The following C11orf65 variants were observed in gnomAD, a reference collection of about 807,000 sequenced individuals.
The protein encoded by C11orf65 is protein MFI.
C11orf65 carries 38 observed loss-of-function variants against 35.3 expected under a neutral mutation model. The ratio of observed to expected loss-of-function variants is 1.08; its 90% confidence interval spans 0.83 to 1.41. The LOEUF is 1.41. Among genes scored for constraint, C11orf65 ranks in the 40% most tolerant of loss-of-function variants. C11orf65 has a pLI of 0.00. For missense variants in C11orf65, 370 were observed against 367.1 expected (o/e 1.01, Z -0.06); for synonymous variants, 105 against 114.4 (o/e 0.92, Z 0.53).
intron 6 of C11orf65, among the ~76,000 whole-genome samples, chr11:108,403,338 A>C (rs1386186886): frequency 4.7e-5 from 7 of 147,406 alleles, no homozygotes; most frequent in Non-Finnish European, 8.9e-5. Context: ...CTAATTTGCT[A>C]GGTATGTATC....
At chr11:108,407,295 T>A in intron 3 of C11orf65, 146 bp from the exon 4 acceptor site, 1 of 663,972 alleles carries the variant, frequency 1.5e-6, no homozygotes, top group Non-Finnish European at 2.3e-6. Context: ...AAATAATCAA[T>A]TTTAAATTAG....
chr11:108,316,778 T>C (rs1163531457), intron 6 of C11orf65, among the ~76,000 whole-genome samples: 4 of 137,000 alleles, frequency 2.9e-5, no homozygotes, highest in Admixed American at 1.4e-4. Flanking sequence ...AAAAAAAAAT[T>C]AGCCGGGTGT....
At chr11:108,405,397 G>A (rs190407647) in intron 6 of C11orf65, 32 bp downstream of exon 6, 18 of 1,603,062 alleles carry the variant, frequency 1.1e-5, no homozygotes, top group Middle Eastern at 1.7e-4. Flanking sequence ...AAAATACTAC[G>A]TATTTCCTTA....
intron 2 of C11orf65, among the ~76,000 whole-genome samples, chr11:108,356,726 G>C (rs1033010493): frequency 6.6e-6 from 1 of 152,082 alleles, no homozygotes; most frequent in African/African-American, 2.4e-5. Flanking sequence ...AGTTCTTTTA[G>C]GGCCTCAGAA....
chr11:108,364,958 T>C, intron 2 of C11orf65: 1 of 1,067,770 alleles, frequency 9.4e-7, no homozygotes, highest in Non-Finnish European at 1.4e-6. Flanking sequence ...GTGCATGATG[T>C]TTGTTCCCCT....
downstream of C11orf65, among the ~76,000 whole-genome samples, chr11:108,380,690 T>A (rs1186862727): frequency 6.6e-6 from 1 of 152,228 alleles, no homozygotes; most frequent in Admixed American, 6.5e-5. Flanking sequence ...CTTCCACTGC[T>A]GAATGACACT....
intron 2 of C11orf65, chr11:108,368,211 GA>G (rs1484003806): frequency 5.2e-6 from 1 of 194,020 alleles, no homozygotes; most frequent in Non-Finnish European, 1.1e-5. Flanking sequence ...GATTATAAAA[GA>G]TTTTTTTTTT....
chr11:108,318,295 G>A (rs1026907077), intron 6 of C11orf65, among the ~76,000 whole-genome samples: 5 of 151,900 alleles, frequency 3.3e-5, no homozygotes, highest in African/African-American at 1.2e-4. Flanking sequence ...ACGGGAGACG[G>A]AGGTTGCAGT....
In C11orf65 at chr11:108,325,328, ACT is replaced by A. The variant is rs747057367; in HGVS notation, c.641-16259_641-16258del. 6.2e-7 allele frequency: 1 copy of A among 1,608,946 alleles called. No homozygotes were observed. ...CATTCAGATCAGTCACACATAGACA[ACT>A]CTCTGAAGTATATATTAAGTGGCAG... On this transcript the variant is annotated intron_variant, in intron 6 of 6. Transcript: ENST00000525729.
chr11:108,449,733 C>CT lies in C11orf65; in HGVS notation c.81+11745dup, dbSNP rs943907094. 7.2e-5 allele frequency among the ~76,000 whole-genome samples: 11 copies of CT among 151,984 alleles called. 1 individual carries two copies. The highest frequency in any genetic ancestry group is 6.5e-4 in the Admixed American group (10 of 15,270). ...TTCAGGACATAGGCATAGGCAAGGA[C>CT]TTCATGTCTGAAACACCAAAAGCAA... On this transcript the variant is annotated intron_variant, in intron 2 of 8. Coordinates refer to ENST00000393084, the MANE Select transcript of C11orf65 (RefSeq NM_152587.5).
chr11:108,428,617 C>T (rs139844818), intron 3 of C11orf65, among the ~76,000 whole-genome samples: 3,175 of 152,162 alleles, frequency 0.021, 122 homozygotes, highest in African/African-American at 0.071. Flanking sequence ...ACAATGAGAA[C>T]ACATGGACAC....
chr11:108,463,726 T>C (rs905939677), intron 1 of C11orf65, among the ~76,000 whole-genome samples: 2 of 152,172 alleles, frequency 1.3e-5, no homozygotes, highest in Middle Eastern at 3.2e-3. Flanking sequence ...TTTAGTATAG[T>C]TTCTGACCCA....
At chr11:108,335,705 G>A (rs1202644025) in intron 2 of C11orf65, 1 of 680,234 alleles carries the variant, frequency 1.5e-6, no homozygotes, top group South Asian at 1.6e-5. Flanking sequence ...ATGGCAGTAG[G>A]TATTTAATTA....
In C11orf65 at chr11:108,464,771, G is replaced by T. The variant is rs561194983; in HGVS notation, c.-10+2700C>A. 2.0e-5 allele frequency among the ~76,000 whole-genome samples: 3 copies of T among 152,268 alleles called. No homozygotes were observed. The South Asian group carries it at 6.2e-4, about 32-fold the overall frequency. ...GAGGAGCCTGGGTTCGGAAAGGGAA[G>T]AGATGTTTTTGTTCCAGTATACTCT... On this transcript the variant is annotated intron_variant, in intron 1 of 8. Transcript: ENST00000393084.
chr11:108,442,700 C>T (rs1371243772), intron 2 of C11orf65, among the ~76,000 whole-genome samples: 1 of 152,094 alleles, frequency 6.6e-6, no homozygotes, highest in Non-Finnish European at 1.5e-5. Context: ...AATTTTCAAC[C>T]CAGAATTTCA....
At chr11:108,373,775 G>T (rs567582117) in intron 2 of C11orf65, among the ~76,000 whole-genome samples, 1 of 152,344 alleles carries the variant, frequency 6.6e-6, no homozygotes, top group African/African-American at 2.4e-5. Flanking sequence ...TCCTGGTCAA[G>T]GAAAGGGGTG....
At chr11:108,441,023 A>T (rs1179447367) in intron 2 of C11orf65, among the ~76,000 whole-genome samples, 2 of 152,196 alleles carry the variant, frequency 1.3e-5, no homozygotes, top group African/African-American at 4.8e-5. Flanking sequence ...AGGGCAACGC[A>T]CTGCCTCACC....
Position 108,376,753 on chromosome 11 carries a change from G to T in C11orf65, c.226+16455C>A, listed in dbSNP as rs917483053. ...GCTAGCAAGACTAATAAAGAAAAAA[G>T]GAGAGAAGAATCAAATAGACACAAT... On this transcript the variant is annotated intron_variant, in intron 2 of 3. Coordinates refer to the C11orf65 transcript ENST00000524755. Among the ~76,000 whole-genome samples the T allele has an allele frequency of 3.0e-4, 45 of 152,058 alleles. 1 individual carries two copies. The highest frequency in any genetic ancestry group is 9.6e-4 in the African/African-American group (40 of 41,498).
At chr11:108,463,700 T>A (rs538206047) in intron 1 of C11orf65, among the ~76,000 whole-genome samples, 10 of 152,290 alleles carry the variant, frequency 6.6e-5, no homozygotes, top group Non-Finnish European at 1.3e-4. Context: ...TTAAGTCAGA[T>A]AACACAGGTA....
Sources: gnomAD v4.1 joint callset for allele counts (sites outside exome capture counted in the v4.1 genomes callset) on GRCh38, gnomAD v4.1.1 for gene constraint, MANE v1.5 for transcripts, NCBI Gene and HGNC (gene_info 2026-07-23, HGNC 2026-07-21) for gene names.